The following KDM4B variants were observed in gnomAD, a reference collection of about 807,000 sequenced individuals.
KDM4B encodes the protein lysine demethylase 4B.
In KDM4B, 32 loss-of-function variants were observed where a neutral mutation model predicts 125.2. That is an observed-to-expected ratio of 0.26 (90% CI 0.19 to 0.34). The LOEUF is 0.34. Among genes scored for constraint, KDM4B ranks in the 10% least tolerant of loss-of-function variants. The pLI is 1.00. For missense variants in KDM4B, 1,190 were observed against 1,577.7 expected (o/e 0.75, Z 4.16); for synonymous variants, 721 against 677.9 (o/e 1.06, Z -0.99).
chr19:5,139,841 C>T lies in KDM4B; in HGVS notation c.2550+1771C>T, dbSNP rs561520592. Among the ~76,000 whole-genome samples, 18 of 152,368 alleles carry T rather than the reference C, an allele frequency of 1.2e-4. 1 individual carries two copies. The highest frequency in any genetic ancestry group is 3.6e-4 in the African/African-American group (15 of 41,592). ...TGCACATTGAGGCCCCCCGTAGATG[C>T]GCGCAGCCACCTTGGGCGTAGCGGG... On this transcript the variant is annotated intron_variant, in intron 18 of 22. Coordinates refer to ENST00000159111, the MANE Select transcript of KDM4B (RefSeq NM_015015.3).
chr19:5,034,954 G>C (rs2036572280), intron 3 of KDM4B, among the ~76,000 whole-genome samples: 2 of 152,192 alleles, frequency 1.3e-5, no homozygotes, highest in East Asian at 1.9e-4. Flanking sequence ...AGCTTCCCGA[G>C]TAGCTGGGAC....
At chr19:5,058,347 C>T (rs1466698592) in intron 6 of KDM4B, among the ~76,000 whole-genome samples, 2 of 152,204 alleles carry the variant, frequency 1.3e-5, no homozygotes, top group Non-Finnish European at 2.9e-5. Flanking sequence ...GCGCAACCCC[C>T]AGAGCAGTGC....
At chr19:5,047,341 G>A (rs543325083) in intron 5 of KDM4B, 135 bp from the exon 6 acceptor site, 10 of 749,294 alleles carry the variant, frequency 1.3e-5, no homozygotes, top group Non-Finnish European at 1.9e-5. Flanking sequence ...CGGCCCCTGG[G>A]GGGGCCGCAG....
chr19:4,991,974 G>C (rs2035044592), intron 1 of KDM4B, among the ~76,000 whole-genome samples: 1 of 152,052 alleles, frequency 6.6e-6, no homozygotes, highest in Admixed American at 6.6e-5. Context: ...TTCTCATTCT[G>C]CTTATTTCTG....
intron 9 of KDM4B, among the ~76,000 whole-genome samples, chr19:5,090,267 C>T: frequency 6.6e-6 from 1 of 151,984 alleles, no homozygotes; most frequent in East Asian, 1.9e-4. Flanking sequence ...CCTGGCCTCG[C>T]CAGGCTGAGG....
Position 5,135,520 on chromosome 19 carries a change from C to T in KDM4B, c.2267C>T (p.Pro756Leu). Reference sequence around the variant, plus strand: ...TACATCGGCGACGACGGGACCAGCCCCCTGATCGCCTGCGGCAAGTGCTGC... The same window carrying T: ...TACATCGGCGACGACGGGACCAGCCTCCTGATCGCCTGCGGCAAGTGCTGC... The part of the protein sequence containing the change: ...NSYIGDDGTS[P>L]LIACGKCCLQ... Residue 756 changes from proline to leucine, a missense_variant, in exon 15 of 23, where the codon CCC (proline) becomes CTC (leucine). Transcript: ENST00000159111. 3 of 1,609,618 alleles carry T rather than the reference C, an allele frequency of 1.9e-6. No individual in the cohort carries two copies. Among genetic ancestry groups the T allele is most frequent in the Non-Finnish European group, 2.5e-6 (3 of 1,178,854 alleles).
intron 10 of KDM4B, chr19:5,111,884 C>G (rs1461329845): frequency 1.3e-6 from 1 of 753,892 alleles, no homozygotes; most frequent in African/African-American, 1.7e-5. Context: ...GCTTTGTTTA[C>G]AGACCCTGAA....
intron 11 of KDM4B, among the ~76,000 whole-genome samples, chr19:5,127,747 C>T (rs547953209): frequency 4.6e-5 from 7 of 152,306 alleles, no homozygotes; most frequent in African/African-American, 1.7e-4. Flanking sequence ...CAGTGTGGCC[C>T]TTGGTGAGAG....
chr19:4,986,242 G>A (rs1234434879), intron 1 of KDM4B, among the ~76,000 whole-genome samples: 1 of 152,208 alleles, frequency 6.6e-6, no homozygotes, highest in Non-Finnish European at 1.5e-5. Flanking sequence ...CCACATTCGG[G>A]GCAGCGCTTG....
rs979514081 is a variant in KDM4B, at chr19:4,971,116, A to G, written c.-109+1886A>G. The stretch of plus-strand genomic sequence containing the variant: ...GTTTAGTTGCTGAGACCTGAAATAT[A>G]TATGTCTTAGTAACAATCCGTTTGC... On this transcript the variant is annotated intron_variant, in intron 1 of 22. Transcript: ENST00000159111. This position sits in a 1 kb window ranked among gnomAD's most constrained non-coding sequence, Gnocchi z 4.1. 1.1e-4 allele frequency among the ~76,000 whole-genome samples: 17 copies of G among 152,094 alleles called. No homozygotes were observed. The highest frequency in any genetic ancestry group is 3.4e-4 in the African/African-American group (14 of 41,418).
chr19:5,125,125 C>T (rs889461373), intron 11 of KDM4B, among the ~76,000 whole-genome samples: 14 of 149,928 alleles, frequency 9.3e-5, no homozygotes, highest in African/African-American at 3.5e-4. Flanking sequence ...CTCCCGAACT[C>T]CTGGGCTCCG....
At chr19:5,014,900 C>A (rs540794478) in intron 1 of KDM4B, among the ~76,000 whole-genome samples, 137 of 151,434 alleles carry the variant, frequency 9.0e-4, no homozygotes, top group South Asian at 2.1e-3. Flanking sequence ...GAGGCTGAGG[C>A]AGGAGAATTG....
At chr19:5,003,486 TAAAC>T (rs75939189) in intron 1 of KDM4B, among the ~76,000 whole-genome samples, 50,590 of 149,442 alleles carry the variant, frequency 0.34, 8,905 homozygotes, top group East Asian at 0.68. Flanking sequence ...TGTCTCAAAA[TAAAC>T]AAACAAACAA....
intron 10 of KDM4B, among the ~76,000 whole-genome samples, chr19:5,116,297 T>G (rs755914614): frequency 6.8e-6 from 1 of 147,698 alleles, no homozygotes; most frequent in Non-Finnish European, 1.5e-5. Context: ...TAGCATTGGA[T>G]TTACAGTCAT....
chr19:4,972,508 G>A (rs915807462), intron 1 of KDM4B, among the ~76,000 whole-genome samples: 4 of 152,120 alleles, frequency 2.6e-5, no homozygotes, highest in African/African-American at 9.7e-5. Flanking sequence ...ATTCTGTGGC[G>A]GGGCTGTCCT....
rs2038580775 is a variant in KDM4B, at chr19:5,088,553, C to T, written c.918+6049C>T. Among the ~76,000 whole-genome samples the T allele has an allele frequency of 2.0e-5, 3 of 152,112 alleles. No individual in the cohort carries two copies. In the South Asian group the frequency reaches 6.2e-4, roughly 32 times the overall value. ...ACCCGTGATAAGTAGGCAGGCTTTT[C>T]CATAATTAATCAAAACCTAGGCCGT... On this transcript the variant is annotated intron_variant, in intron 9 of 22. Coordinates refer to ENST00000159111, the MANE Select transcript of KDM4B (RefSeq NM_015015.3).
At chr19:4,982,447 C>T (rs1180316427) in intron 1 of KDM4B, among the ~76,000 whole-genome samples, 18 of 125,832 alleles carry the variant, frequency 1.4e-4, no homozygotes, top group East Asian at 2.2e-4. Context: ...AGCAAGACTC[C>T]GTCTCAAAAA....
At chr19:5,133,816 G>A (rs2039600354) in intron 13 of KDM4B, 67 bp from the exon 14 acceptor site, 1 of 1,548,032 alleles carries the variant, frequency 6.5e-7, no homozygotes. Flanking sequence ...GGGCAGTTGG[G>A]GTGATTCCTT....
At chr19:5,004,419 C>T (rs929161250) in intron 1 of KDM4B, among the ~76,000 whole-genome samples, 2 of 152,302 alleles carry the variant, frequency 1.3e-5, no homozygotes, top group Admixed American at 1.3e-4. Flanking sequence ...CCCTTCTCAG[C>T]CCTTGCTGCC....
Sources: allele counts gnomAD v4.1 joint callset (sites outside exome capture counted in the v4.1 genomes callset), GRCh38; gene constraint gnomAD v4.1.1; non-coding constraint Gnocchi (gnomAD v3.1); transcripts MANE v1.5; gene names NCBI Gene and HGNC (gene_info 2026-07-23, HGNC 2026-07-21).